The following UGT2B11 variants were observed in gnomAD, a reference collection of about 807,000 sequenced individuals.
UGT2B11 encodes the protein UDP glucuronosyltransferase family 2 member B11, also known as UDP-glucuronosyltransferase 2B11.
In UGT2B11, 49 loss-of-function variants were observed where a neutral mutation model predicts 51.7. The observed-to-expected ratio is 0.95, with a 90% CI of 0.75 to 1.20. The LOEUF (loss-of-function observed/expected upper bound fraction) is 1.20, where lower values mean the gene tolerates loss of function less well. UGT2B11 is among the 50% of genes most tolerant of loss of function. The pLI is 0.00. For synonymous variants in UGT2B11, 273 were observed against 209.0 expected, an observed-to-expected ratio of 1.31 and a Z score of -2.64; for missense variants, 810 against 622.1, an observed-to-expected ratio of 1.30 and a Z score of -3.21.
At chr4:69,213,043 T>C (rs991794775) in intron 1 of UGT2B11, among the ~76,000 whole-genome samples, 53 of 151,510 alleles carry the variant, frequency 3.5e-4, no homozygotes, top group Non-Finnish European at 4.6e-4. Flanking sequence ...TAGTTGCATA[T>C]AGATATTTAA....
chr4:69,212,445 A>T (rs1370756436), intron 2 of UGT2B11, 128 bp downstream of exon 2: 43 of 1,474,568 alleles, frequency 2.9e-5, no homozygotes, highest in Non-Finnish European at 3.4e-5. Flanking sequence ...TCTAATTAGT[A>T]TCTGCTTTAC....
chr4:69,214,522 A>G lies in UGT2B11; in HGVS notation c.201T>C (p.Asn67=), dbSNP rs1339505277. The change falls in exon 1 of 6, where the codon AAT becomes AAC. Residue 67 remains asparagine, a synonymous_variant. Coordinates refer to ENST00000446444, the MANE Select transcript of UGT2B11 (RefSeq NM_001073.3). ...CTTCAAATTTAAGAGTGGATGCATC[A>G]TTGGGATCAAAAAGAATGGAAGCTG... ...ASSASILFDP[N]DASTLKFEVY... 12 of 1,613,094 alleles carry G rather than the reference A, an allele frequency of 7.4e-6. No homozygotes were observed. Among genetic ancestry groups the G allele is most frequent in the Non-Finnish European group, 1.0e-5 (12 of 1,179,436 alleles).
At chr4:69,224,289 A>G in the UGT2B11 span, among the ~76,000 whole-genome samples, 3 of 152,116 alleles carry the variant, frequency 2.0e-5, 1 homozygote, top group South Asian at 6.2e-4. Context: ...CCTTGCAGGG[A>G]GAGCCTTTGG....
At chr4:69,224,402 G>A in the UGT2B11 span, among the ~76,000 whole-genome samples, 2 of 152,156 alleles carry the variant, frequency 1.3e-5, no homozygotes, top group East Asian at 1.9e-4. Context: ...AGTATGAACC[G>A]GATCCAGACT....
Position 69,200,626 on chromosome 4 carries a change from CA to C in UGT2B11, c.1403del (p.Met468SerfsTer26). ...DRAVFWIEFV[M>X]PHKGAKHLRV... ...GAAGGTGTTTGGCTCCTTTGTGGGGCATGACAAATTCAATCCAGAAGACTGC... is the reference window on the plus strand; with the variant it reads ...GAAGGTGTTTGGCTCCTTTGTGGGGCTGACAAATTCAATCCAGAAGACTGC... On this transcript the variant is annotated frameshift_variant, in exon 6 of 6. Coordinates refer to ENST00000446444, the MANE Select transcript of UGT2B11 (RefSeq NM_001073.3). LOFTEE classifies it high-confidence loss of function. 1.2e-6 allele frequency: 2 copies of C among 1,612,418 alleles called. No homozygotes were observed. The highest frequency in any genetic ancestry group is 1.7e-6 in the Non-Finnish European group (2 of 1,178,958).
rs376626494 is a variant in UGT2B11, at chr4:69,212,698, T to C, written c.745A>G (p.Thr249Ala). Reference protein sequence around the residue: ...VLGRPTTLFETMGKADIWLMR... With the variant: ...VLGRPTTLFEAMGKADIWLMR... ...AGCCATATGTCAGCTTTTCCCATTGTCTCAAATAAGGTAGTGGGTCTTCCT... is the reference window on the plus strand; with the variant it reads ...AGCCATATGTCAGCTTTTCCCATTGCCTCAAATAAGGTAGTGGGTCTTCCT... The change falls in exon 2 of 6, where the codon ACA becomes GCA. Residue 249 changes from threonine to alanine, a missense_variant. Physicochemically the swap from Thr to Ala is moderately conservative, Grantham distance 58 (BLOSUM62 0). Coordinates refer to ENST00000446444, the MANE Select transcript of UGT2B11 (RefSeq NM_001073.3). The C allele has an allele frequency of 6.2e-7, 1 of 1,609,162 alleles. No individual in the cohort carries two copies. Among genetic ancestry groups the C allele is most frequent in the Non-Finnish European group, 8.5e-7 (1 of 1,177,410 alleles).
chr4:69,200,312 A>ATTTTTTTTT lies in UGT2B11; in HGVS notation c.*119_*127dup, dbSNP rs11340393. On this transcript the variant is annotated 3_prime_UTR_variant, in exon 6 of 6. Transcript: ENST00000446444. Reference sequence around the variant, plus strand: ...TTTACTTGACAAGGTAGATTTGAAAATTTTTTTTTTTTTTTTTTTTTTGTC... The same window carrying ATTTTTTTTT: ...TTTACTTGACAAGGTAGATTTGAAAATTTTTTTTTTTTTTTTTTTTTTTTTTTTTTTGTC... 199 of 818,836 alleles carry ATTTTTTTTT rather than the reference A, an allele frequency of 2.4e-4. 1 individual carries two copies. The African/African-American group carries it at 3.0e-3, about 12-fold the overall frequency. 50.7% of individuals were successfully genotyped at this position (818,836 alleles called of 1,614,324 possible).
the UGT2B11 span, among the ~76,000 whole-genome samples, chr4:69,223,058 C>T: frequency 6.6e-6 from 1 of 152,114 alleles, no homozygotes; most frequent in Non-Finnish European, 1.5e-5. Context: ...AAAGCTTGTA[C>T]ATAAGGGACA....
rs979036500 is a variant in UGT2B11, at chr4:69,200,257, C to T, written c.*183G>A. ...TGCCACAAAATATTTCTAACCATTA[C>T]CTGGGTGGTAAATCTCTGAAAAACA... On this transcript the variant is annotated 3_prime_UTR_variant, in exon 6 of 6. Transcript: ENST00000446444. 3 of 839,334 alleles carry T rather than the reference C, an allele frequency of 3.6e-6. No homozygotes were observed. The highest frequency in any genetic ancestry group is 4.9e-6 in the Non-Finnish European group (3 of 616,926). The allele number at this position is 839,334 out of a possible 1,614,324, so 52.0% of individuals were successfully genotyped here.
At chr4:69,202,500 C>T (rs1721697949) in intron 5 of UGT2B11, among the ~76,000 whole-genome samples, 1 of 151,472 alleles carries the variant, frequency 6.6e-6, no homozygotes, top group Admixed American at 6.6e-5. Context: ...TGATTTATTG[C>T]CCACCACACA....
chr4:69,209,075 T>C (rs865912459), intron 2 of UGT2B11, among the ~76,000 whole-genome samples: 31 of 150,360 alleles, frequency 2.1e-4, no homozygotes, highest in African/African-American at 7.4e-4. Flanking sequence ...TTTCAAAAAA[T>C]AAAAAATGAA....
At chr4:69,211,512 A>G (rs1337243792) in intron 2 of UGT2B11, among the ~76,000 whole-genome samples, 2 of 151,664 alleles carry the variant, frequency 1.3e-5, no homozygotes, top group East Asian at 1.9e-4. Context: ...AGTTAGTAGT[A>G]TTAGTAATAA....
chr4:69,214,493 T>A lies in UGT2B11; in HGVS notation c.230A>T (p.Tyr77Phe). 1.9e-6 allele frequency: 3 copies of A among 1,613,238 alleles called. No homozygotes were observed. The highest frequency in any genetic ancestry group is 2.5e-6 in the Non-Finnish European group (3 of 1,179,506). Residue 77 changes from tyrosine (Y) to phenylalanine (F), a missense_variant, in exon 1 of 6, where the codon TAT (tyrosine) becomes TTT (phenylalanine). Transcript: ENST00000446444. Reference sequence around the variant, plus strand: ...TTCAGTTTTAGTTAAAGATGTAGGATAAACTTCAAATTTAAGAGTGGATGC... The same window carrying A: ...TTCAGTTTTAGTTAAAGATGTAGGAAAAACTTCAAATTTAAGAGTGGATGC... ...NDASTLKFEVYPTSLTKTEFE... is the reference protein window; with the variant it reads ...NDASTLKFEVFPTSLTKTEFE...
chr4:69,217,539 T>A (rs148915000), upstream of UGT2B11, among the ~76,000 whole-genome samples: 267 of 152,162 alleles, frequency 1.8e-3, 2 homozygotes, highest in African/African-American at 6.3e-3. Flanking sequence ...CTGACATACC[T>A]CACCTATAAG....
In UGT2B11 at chr4:69,201,484, C is replaced by T. The variant is rs574322253; in HGVS notation, c.1311-765G>A. Among the ~76,000 whole-genome samples the T allele has an allele frequency of 8.0e-4, 121 of 151,926 alleles. 2 individuals are homozygous for T. The highest frequency in any genetic ancestry group is 2.8e-3 in the African/African-American group (116 of 41,528). ...TTATTTGGTCTACAGAACCCTACAT[C>T]GTAAGACACTGGCAAGCTTTTTTCT... is the stretch of plus-strand genomic sequence containing the variant. On this transcript the variant is annotated intron_variant, in intron 5 of 5. Transcript: ENST00000446444.
intron 2 of UGT2B11, among the ~76,000 whole-genome samples, chr4:69,209,793 G>T (rs1471837534): frequency 6.6e-6 from 1 of 151,382 alleles, no homozygotes; most frequent in Non-Finnish European, 1.5e-5. Context: ...TCAGAGCCTT[G>T]TTTTTCTACT....
intron 3 of UGT2B11, among the ~76,000 whole-genome samples, chr4:69,205,890 T>C: frequency 6.6e-6 from 1 of 151,556 alleles, no homozygotes; most frequent in Non-Finnish European, 1.5e-5. Context: ...ACATCACAGA[T>C]CATTAGAGAA....
chr4:69,219,617 A>C (rs776248428), upstream of UGT2B11, among the ~76,000 whole-genome samples: 134 of 152,304 alleles, frequency 8.8e-4, no homozygotes, highest in Non-Finnish European at 1.6e-3. Context: ...CAATGATGAG[A>C]AAAGGCAAAT....
rs1323206705 is a variant in UGT2B11 at position 69,214,106 on chromosome 4, G to A, written c.617C>T (p.Thr206Ile). 1.9e-6 allele frequency: 3 copies of A among 1,612,018 alleles called. No homozygotes were observed. The South Asian group carries it at 3.3e-5, about 18-fold the overall frequency. ...IVMSKLSDQM[T>I]FMERVKNMIY... is the part of the protein sequence containing the mutation. ...CATATTTTTTACCCTCTCCATGAAAGTCATTTGATCACTTAATTTTGACAT... is the reference window on the plus strand; with the variant it reads ...CATATTTTTTACCCTCTCCATGAAAATCATTTGATCACTTAATTTTGACAT... Residue 206 changes from threonine (T) to isoleucine (I), a missense_variant, in exon 1 of 6, where the codon ACT (threonine) becomes ATT (isoleucine). By Grantham distance (89) the Thr-to-Ile change is moderately conservative (BLOSUM62 -1). Coordinates refer to ENST00000446444, the MANE Select transcript of UGT2B11 (RefSeq NM_001073.3).
Sources: gnomAD v4.1 joint callset for allele counts (sites outside exome capture counted in the v4.1 genomes callset) on GRCh38, gnomAD v4.1.1 for gene constraint, MANE v1.5 for transcripts, NCBI Gene and HGNC (gene_info 2026-07-23, HGNC 2026-07-21) for gene names.